Variants in MYRIP observed in about 807,000 individuals in gnomAD.
MYRIP encodes the protein rab effector MyRIP.
A neutral mutation model predicts 98.0 loss-of-function variants in MYRIP; 49 were observed. The ratio of observed to expected loss-of-function variants is 0.50; its 90% confidence interval spans 0.40 to 0.63. The LOEUF is 0.63. MYRIP is among the 30% of genes least tolerant of loss of function. The probability of loss-of-function intolerance (pLI) is 0.00; values close to 1 mark genes in which losing one functional copy is unlikely to be tolerated. For missense variants in MYRIP, 1,004 were observed against 1,058.2 expected, an observed-to-expected ratio of 0.95 and a Z score of 0.71; for synonymous variants, 404 against 409.5, an observed-to-expected ratio of 0.99 and a Z score of 0.16.
At chr3:39,872,440 A>G (rs2125631604) in intron 1 of MYRIP, among the ~76,000 whole-genome samples, 1 of 151,104 alleles carries the variant, frequency 6.6e-6, no homozygotes, top group Admixed American at 6.6e-5. Flanking sequence ...GCACCCATTA[A>G]CTCGTCATTT....
At chr3:39,947,018 A>C (rs927742709) in intron 2 of MYRIP, among the ~76,000 whole-genome samples, 7 of 152,226 alleles carry the variant, frequency 4.6e-5, no homozygotes, top group African/African-American at 1.7e-4. Flanking sequence ...AAAAAGGAAT[A>C]ACTTATAAGT....
intron 2 of MYRIP, among the ~76,000 whole-genome samples, chr3:39,927,864 T>A (rs1944452945): frequency 6.6e-6 from 1 of 152,084 alleles, no homozygotes; most frequent in Non-Finnish European, 1.5e-5. Context: ...ATTTGTGGAA[T>A]GCACGGTTGA....
At chr3:40,015,560 A>G (rs1946845760) in intron 2 of MYRIP, among the ~76,000 whole-genome samples, 1 of 152,188 alleles carries the variant, frequency 6.6e-6, no homozygotes, top group Non-Finnish European at 1.5e-5. Context: ...GGGGCCCTGC[A>G]TTCCCCTCTG....
intron 1 of MYRIP, among the ~76,000 whole-genome samples, chr3:39,812,116 G>A (rs2125561544): frequency 6.6e-6 from 1 of 152,258 alleles, no homozygotes; most frequent in South Asian, 2.1e-4. Flanking sequence ...ACACTCAGTG[G>A]ATTGTCACAA....
At chr3:39,997,771 T>G (rs554711984) in intron 2 of MYRIP, among the ~76,000 whole-genome samples, 1 of 152,216 alleles carries the variant, frequency 6.6e-6, no homozygotes, top group African/African-American at 2.4e-5. Flanking sequence ...TGAACATCGA[T>G]GCAAAAATCC....
rs543515643 is a variant in MYRIP at position 39,975,625 on chromosome 3, A to G, written c.111-68425A>G. ...AAGCCAAAAGAACAAAGCTGGAGGC[A>G]TCACGCTACCTGACTTCAAACTATA... On this transcript the variant is annotated intron_variant, in intron 2 of 16. Transcript: ENST00000302541. Among the ~76,000 whole-genome samples the G allele has an allele frequency of 7.3e-3, 1,104 of 152,176 alleles. 9 individuals are homozygous for G. Among genetic ancestry groups the G allele is most frequent in the Middle Eastern group, 0.02 (6 of 294 alleles).
chr3:39,905,806 G>A (rs1250756963), intron 2 of MYRIP, among the ~76,000 whole-genome samples: 1 of 152,176 alleles, frequency 6.6e-6, no homozygotes, highest in Non-Finnish European at 1.5e-5. Flanking sequence ...CTTTATTGAA[G>A]TTAGCAGGTA....
intron 3 of MYRIP, among the ~76,000 whole-genome samples, chr3:40,126,607 T>C (rs796073468): frequency 1.7e-4 from 26 of 152,370 alleles, no homozygotes; most frequent in African/African-American, 5.5e-4. Context: ...TCGTCATTTG[T>C]ATCTGAGGAA....
chr3:39,874,112 G>T (rs1207195647), intron 1 of MYRIP, among the ~76,000 whole-genome samples: 2 of 151,738 alleles, frequency 1.3e-5, no homozygotes, highest in East Asian at 3.9e-4. Flanking sequence ...TTGTGAATGG[G>T]AGTTCACTCA....
rs564508244 is a variant in MYRIP at position 39,889,394 on chromosome 3, T to C, written c.-30-11393T>C. Reference sequence around the variant, plus strand: ...GTCCTTTATAGGGACATGGATGAAATTGGAAATCATCATTCTCAGTAAACT... The same window carrying C: ...GTCCTTTATAGGGACATGGATGAAACTGGAAATCATCATTCTCAGTAAACT... On this transcript the variant is annotated intron_variant, in intron 1 of 16. Transcript: ENST00000302541. Among the ~76,000 whole-genome samples, 95 of 152,138 alleles carry C rather than the reference T, an allele frequency of 6.2e-4. 1 individual carries two copies. The highest frequency in any genetic ancestry group is 2.1e-3 in the African/African-American group (88 of 41,504).
intron 2 of MYRIP, among the ~76,000 whole-genome samples, chr3:40,012,905 C>T (rs992280692): frequency 3.9e-5 from 6 of 152,242 alleles, no homozygotes; most frequent in African/African-American, 1.2e-4. Context: ...TATACACACA[C>T]ATTCTCTCTC....
chr3:39,948,327 C>G (rs1436725661), intron 2 of MYRIP, among the ~76,000 whole-genome samples: 1 of 151,976 alleles, frequency 6.6e-6, no homozygotes, highest in East Asian at 1.9e-4. Flanking sequence ...TTTAAAATTA[C>G]TAATCAAGGA....
In MYRIP at chr3:40,244,428, G is replaced by T; in HGVS notation, c.2101-18G>T. 1 of 1,598,008 alleles carries T rather than the reference G, an allele frequency of 6.3e-7. No individual in the cohort carries two copies. The highest frequency in any genetic ancestry group is 8.5e-7 in the Non-Finnish European group (1 of 1,171,528). On this transcript the variant is annotated intron_variant, in intron 12 of 16. Transcript: ENST00000302541. ...CAAGTCTGCAGACATGAACTCAAAT[G>T]TAGCACTGTCTCTACAGGTATACCT...
chr3:40,110,292 C>A (rs1215162209), intron 3 of MYRIP, among the ~76,000 whole-genome samples: 1 of 152,192 alleles, frequency 6.6e-6, no homozygotes, highest in African/African-American at 2.4e-5. Context: ...CAGAAGTAAG[C>A]CTGTTTTTAT....
intron 2 of MYRIP, among the ~76,000 whole-genome samples, chr3:40,011,929 A>T (rs1168758910): frequency 6.6e-6 from 1 of 152,226 alleles, no homozygotes; most frequent in Non-Finnish European, 1.5e-5. Context: ...TAAAAGATAT[A>T]AAATGGTGTT....
At chr3:39,954,198 G>A (rs1341397929) in intron 2 of MYRIP, among the ~76,000 whole-genome samples, 1 of 152,174 alleles carries the variant, frequency 6.6e-6, no homozygotes, top group Admixed American at 6.6e-5. Context: ...TCTGAGAACG[G>A]ATAGACTGCC....
intron 1 of MYRIP, among the ~76,000 whole-genome samples, chr3:39,859,110 GAAA>G (rs3062463): frequency 0.029 from 3,855 of 132,380 alleles, 64 homozygotes; most frequent in Middle Eastern, 0.048. Context: ...TTGGTTTTTT[GAAA>G]AAAAAAAAAA....
At chr3:39,815,873 G>A (rs1940886093) in intron 1 of MYRIP, among the ~76,000 whole-genome samples, 1 of 137,856 alleles carries the variant, frequency 7.3e-6, no homozygotes, top group Admixed American at 7.4e-5. Context: ...GTATACTTTT[G>A]GTATTCTAAT....
chr3:39,943,928 T>C (rs1377183166), intron 2 of MYRIP, among the ~76,000 whole-genome samples: 2 of 152,104 alleles, frequency 1.3e-5, no homozygotes, highest in Non-Finnish European at 2.9e-5. Flanking sequence ...GCAGTAGTCA[T>C]GTGGTCTGGG....
Sources: allele counts gnomAD v4.1 joint callset (sites outside exome capture counted in the v4.1 genomes callset), GRCh38; gene constraint gnomAD v4.1.1; transcripts MANE v1.5; gene names NCBI Gene and HGNC (gene_info 2026-07-23, HGNC 2026-07-21).